FGF20: variants seen among roughly 807,000 people sequenced by gnomAD.
The protein encoded by FGF20 is fibroblast growth factor 20.
FGF20 carries 8 observed loss-of-function variants against 16.7 expected under a neutral mutation model. The observed-to-expected ratio is 0.48, with a 90% confidence interval of 0.28 to 0.87. The LOEUF (loss-of-function observed/expected upper bound fraction) is 0.87, where lower values mean the gene tolerates loss of function less well. Ranked by LOEUF, FGF20 falls within the 40% of genes least tolerant of loss-of-function variation. The pLI, the probability that FGF20 is intolerant of heterozygous loss-of-function variation, is 0.10. For synonymous variants in FGF20, 161 were observed against 118.6 expected, an observed-to-expected ratio of 1.36 and a Z score of -2.32; for missense variants, 397 against 281.4, an observed-to-expected ratio of 1.41 and a Z score of -2.94.
At position 17,001,818 on chromosome 8, in the gene FGF20, C is replaced by T. The variant is rs753406405; in HGVS notation, c.215G>A (p.Arg72His). ...CAGGATCTGCAGGTGGAAGCCGGTGCGGCAATAGAGCTGCCGGCGGCGCAG... is the reference window on the plus strand; with the variant it reads ...CAGGATCTGCAGGTGGAAGCCGGTGTGGCAATAGAGCTGCCGGCGGCGCAG... ...GILRRRQLYC[R>H]TGFHLQILPD... Residue 72 changes from arginine (R) to histidine (H), a missense_variant, in exon 1 of 3, where the codon CGC becomes CAC. Transcript: ENST00000180166. 1.3e-6 allele frequency: 2 copies of T among 1,550,116 alleles called. No individual in the cohort carries two copies. Among genetic ancestry groups the T allele is most frequent in the South Asian group, 1.2e-5 (1 of 84,560 alleles).
At chr8:16,999,482 T>C (rs1302601507) in intron 1 of FGF20, among the ~76,000 whole-genome samples, 3 of 151,362 alleles carry the variant, frequency 2.0e-5, no homozygotes, top group Admixed American at 6.6e-5. Context: ...TTTTTTTTTC[T>C]GTCACTGGAG....
intron 1 of FGF20, among the ~76,000 whole-genome samples, chr8:17,000,322 AGT>A (rs1810152315): frequency 6.6e-6 from 1 of 152,192 alleles, no homozygotes; most frequent in Non-Finnish European, 1.5e-5. Context: ...TAAGCCTTTA[AGT>A]GCTACCAAAT....
intron 1 of FGF20, among the ~76,000 whole-genome samples, chr8:16,998,769 T>C (rs1810115555): frequency 6.6e-6 from 1 of 152,106 alleles, no homozygotes; most frequent in Admixed American, 6.5e-5. Flanking sequence ...CTTTTTTTTT[T>C]TCAGAAATGA....
At position 17,002,276 on chromosome 8, in the gene FGF20, T is replaced by C; in HGVS notation, c.-244A>G. 2.3e-6 allele frequency: 1 copy of C among 437,144 alleles called. No homozygotes were observed. Among genetic ancestry groups the C allele is most frequent in the Admixed American group, 4.6e-5 (1 of 21,716 alleles). 27.1% of individuals were successfully genotyped at this position (437,144 alleles called of 1,614,324 possible). ...CTGGCTCTGCAGAAATATCTATAGC[T>C]GCCGCTGCCAATACTAGGACTAGGG... is the stretch of plus-strand genomic sequence containing the variant. On this transcript the variant is annotated 5_prime_UTR_variant, in exon 1 of 3. Coordinates refer to ENST00000180166, the MANE Select transcript of FGF20 (RefSeq NM_019851.3).
In FGF20 at chr8:16,992,750, T is replaced by A. The variant is rs77259875; in HGVS notation, c.*322A>T. The A allele has an allele frequency of 1.2e-3, 246 of 202,280 alleles. 2 individuals are homozygous for A. Among genetic ancestry groups the A allele is most frequent in the African/African-American group, 5.4e-3 (234 of 43,114 alleles). The allele number at this position is 202,280 out of a possible 1,614,324, so 12.5% of individuals were successfully genotyped here. On this transcript the variant is annotated 3_prime_UTR_variant, in exon 3 of 3. Coordinates refer to ENST00000180166, the MANE Select transcript of FGF20 (RefSeq NM_019851.3). ...AACATAAATTTTAAAGTAAACATAA[T>A]CCAGAGAGGTGAGGCACCAGCAGCA...
chr8:16,994,046 C>G (rs1202943778), intron 2 of FGF20, among the ~76,000 whole-genome samples: 1 of 152,086 alleles, frequency 6.6e-6, no homozygotes, highest in Non-Finnish European at 1.5e-5. Context: ...GGTTGGGGAC[C>G]CCTGCTTTAA....
At position 17,002,051 on chromosome 8, in the gene FGF20, C is replaced by G; in HGVS notation, c.-19G>C. On this transcript the variant is annotated 5_prime_UTR_variant, in exon 1 of 3. Transcript: ENST00000180166. Reference sequence around the variant, plus strand: ...GAGCCATGGAGGGGGAGATCCGGAACACAAAAGACCCCCCCAGTAAAGAGT... The same window carrying G: ...GAGCCATGGAGGGGGAGATCCGGAAGACAAAAGACCCCCCCAGTAAAGAGT... The G allele has an allele frequency of 6.6e-7, 1 of 1,525,352 alleles. No individual in the cohort carries two copies. Among genetic ancestry groups the G allele is most frequent in the Non-Finnish European group, 8.8e-7 (1 of 1,137,922 alleles). 94.5% of individuals were successfully genotyped at this position (1,525,352 alleles called of 1,614,324 possible).
chr8:16,999,872 C>T (rs1043423069), intron 1 of FGF20, among the ~76,000 whole-genome samples: 5 of 151,980 alleles, frequency 3.3e-5, no homozygotes, highest in African/African-American at 1.2e-4. Context: ...TCCAAGGCTA[C>T]ACTGTGTATG....
chr8:16,993,357 C>A (rs1809962830), intron 2 of FGF20, 40 bp from the exon 3 acceptor site: 3 of 1,525,714 alleles, frequency 2.0e-6, no homozygotes, highest in Non-Finnish European at 2.7e-6. Context: ...TAAAAAAATA[C>A]CTTTGAGATA....
At position 16,992,623 on chromosome 8, in the gene FGF20, A is replaced by T. The variant is rs1721082; in HGVS notation, c.*449T>A. ...GTTTAGTTTTTTTTTTTCTTAAAAC[A>T]TATAATGCCATAACCTGTGAATTCT... On this transcript the variant is annotated 3_prime_UTR_variant, in exon 3 of 3. Transcript: ENST00000180166. The T allele has an allele frequency of 0.69, 105,328 of 151,650 alleles. 37,848 individuals are homozygous for T. Among genetic ancestry groups the T allele is most frequent in the Non-Finnish European group, 0.78 (53,373 of 68,050 alleles). 9.4% of individuals were successfully genotyped at this position (151,650 alleles called of 1,614,324 possible).
At chr8:16,995,788 C>G in intron 1 of FGF20, 30 bp from the exon 2 acceptor site, 1 of 1,311,706 alleles carries the variant, frequency 7.6e-7, no homozygotes, top group Middle Eastern at 1.9e-4. Context: ...ATAAAAACAC[C>G]ATGTTTTGTA....
In FGF20 at chr8:16,993,022, C is replaced by A; in HGVS notation, c.*50G>T. On this transcript the variant is annotated 3_prime_UTR_variant, in exon 3 of 3. Coordinates refer to ENST00000180166, the MANE Select transcript of FGF20 (RefSeq NM_019851.3). The stretch of plus-strand genomic sequence containing the variant: ...CATTATTTTATGATGGGAACTATGA[C>A]AAGAAAGAATGGTTGTGGTTTGACT... 1 of 1,581,146 alleles carries A rather than the reference C, an allele frequency of 6.3e-7. No homozygotes were observed. The highest frequency in any genetic ancestry group is 8.6e-7 in the Non-Finnish European group (1 of 1,164,576).
intron 1 of FGF20, among the ~76,000 whole-genome samples, chr8:16,999,760 T>G (rs1810140591): frequency 6.6e-6 from 1 of 150,582 alleles, no homozygotes; most frequent in African/African-American, 2.4e-5. Context: ...AGGCTGGTCT[T>G]GAACTCCTGA....
chr8:16,999,003 A>C (rs999733322), intron 1 of FGF20, among the ~76,000 whole-genome samples: 6 of 152,236 alleles, frequency 3.9e-5, no homozygotes, highest in African/African-American at 1.4e-4. Context: ...ATAATTAGTA[A>C]CTGAAGTACT....
chr8:16,997,662 T>C (rs1350731218), intron 1 of FGF20, among the ~76,000 whole-genome samples: 2 of 152,038 alleles, frequency 1.3e-5, no homozygotes, highest in Admixed American at 6.5e-5. Flanking sequence ...AGAGCCAGGA[T>C]CCCTCATTGA....
intron 1 of FGF20, among the ~76,000 whole-genome samples, chr8:17,000,171 G>C (rs1810149993): frequency 1.3e-5 from 2 of 152,052 alleles, no homozygotes; most frequent in African/African-American, 4.8e-5. Context: ...AAAATCTCAA[G>C]CCTCCTCAAT....
chr8:16,998,705 T>C (rs1025165095), intron 1 of FGF20, among the ~76,000 whole-genome samples: 11 of 151,726 alleles, frequency 7.2e-5, no homozygotes, highest in Non-Finnish European at 1.3e-4. Flanking sequence ...CTATGGAGAA[T>C]AGGGGAGAAT....
At position 16,995,913 on chromosome 8, in the gene FGF20, T is replaced by A. The variant is rs186319307; in HGVS notation, c.287-155A>T. 5.3e-5 allele frequency among the ~76,000 whole-genome samples: 8 copies of A among 152,338 alleles called. No homozygotes were observed. The East Asian group carries it at 1.4e-3, about 26-fold the overall frequency. On this transcript the variant is annotated intron_variant, in intron 1 of 2. Coordinates refer to ENST00000180166, the MANE Select transcript of FGF20 (RefSeq NM_019851.3). ...GTCCTTTGTACACTGGAAACAGCTA[T>A]GCAATTGTTTTATGACAGATGAAAA...
Position 16,998,296 on chromosome 8 carries a change from A to G in FGF20, c.287-2538T>C, listed in dbSNP as rs17550053. ...CCCAAAACCTTATACATAACCAGGT[A>G]TAAATAATTTTGCAATGGCTCATGG... On this transcript the variant is annotated intron_variant, in intron 1 of 2. Transcript: ENST00000180166. 1.9e-3 allele frequency among the ~76,000 whole-genome samples: 290 copies of G among 152,316 alleles called. 1 individual carries two copies. The highest frequency in any genetic ancestry group is 6.7e-3 in the African/African-American group (280 of 41,578).
Sources: allele counts gnomAD v4.1 joint callset (sites outside exome capture counted in the v4.1 genomes callset), GRCh38; gene constraint gnomAD v4.1.1; transcripts MANE v1.5; gene names NCBI Gene and HGNC (gene_info 2026-07-23, HGNC 2026-07-21).